SGSM1: variants seen among roughly 807,000 people sequenced by gnomAD.
The protein encoded by SGSM1 is RUN and TBC1 domain containing 2.
In SGSM1, 73 loss-of-function variants were observed where a neutral mutation model predicts 133.8. That is an observed-to-expected ratio of 0.55 (90% CI 0.45 to 0.66). The LOEUF is 0.66. Ranked by LOEUF, SGSM1 falls within the 30% of genes least tolerant of loss-of-function variation. The probability of loss-of-function intolerance (pLI) is 0.00; values close to 1 mark genes in which losing one functional copy is unlikely to be tolerated. For missense variants in SGSM1, 1,213 were observed against 1,448.1 expected, an observed-to-expected ratio of 0.84 and a Z score of 2.64; for synonymous variants, 563 against 573.0, an observed-to-expected ratio of 0.98 and a Z score of 0.25.
At position 24,809,926 on chromosome 22, in the gene SGSM1, G is replaced by C. The variant is rs367777304; in HGVS notation, c.63+3442G>C. Among the ~76,000 whole-genome samples, 5 of 152,248 alleles carry C rather than the reference G, an allele frequency of 3.3e-5. No individual in the cohort carries two copies. In the East Asian group the frequency reaches 5.8e-4, roughly 18 times the overall value. Reference sequence around the variant, plus strand: ...TCAGAAGACAGGTGCAAGATGAGTAGGACTTTAAGGTGAAGATAAGAGGGT... The same window carrying C: ...TCAGAAGACAGGTGCAAGATGAGTACGACTTTAAGGTGAAGATAAGAGGGT... On this transcript the variant is annotated intron_variant, in intron 2 of 24. Transcript: ENST00000400358.
intron 5 of SGSM1, among the ~76,000 whole-genome samples, chr22:24,850,717 C>A (rs935387153): frequency 6.6e-6 from 1 of 152,184 alleles, no homozygotes; most frequent in African/African-American, 2.4e-5. Context: ...CTCTCTGTGC[C>A]CGTTATCTCT....
intron 22 of SGSM1, among the ~76,000 whole-genome samples, chr22:24,914,473 C>G (rs201403280): frequency 0.027 from 1,612 of 59,604 alleles, 32 homozygotes; most frequent in East Asian, 0.19. Context: ...GAGACTCTGT[C>G]CCCCCCCCCA....
intron 1 of SGSM1, 42 bp from the exon 2 acceptor site, chr22:24,806,399 C>T: frequency 6.6e-7 from 1 of 1,513,568 alleles, no homozygotes; most frequent in South Asian, 1.2e-5. Flanking sequence ...GCCCCCGCAC[C>T]CTCTCTCGGC....
intron 2 of SGSM1, among the ~76,000 whole-genome samples, chr22:24,808,857 G>A (rs1398818952): frequency 2.6e-5 from 4 of 152,270 alleles, no homozygotes; most frequent in East Asian, 1.9e-4. Context: ...AGCCAAGATG[G>A]GACAGAGTTG....
chr22:24,867,196 C>T lies in SGSM1; in HGVS notation c.994+36C>T, dbSNP rs974934153. 5.0e-6 allele frequency: 8 copies of T among 1,596,362 alleles called. No homozygotes were observed. In the East Asian group the frequency reaches 1.3e-4, roughly 27 times the overall value. On this transcript the variant is annotated intron_variant, in intron 10 of 24. Coordinates refer to ENST00000400358, the MANE Select transcript of SGSM1 (RefSeq NM_001098497.3). ...TGGGGACAGGAGGGGTCTGCGTATT[C>T]CTCTTGGATCCCCTGCCTGTCTCCA... is the stretch of plus-strand genomic sequence containing the variant.
chr22:24,897,726 C>T (rs572155597), intron 18 of SGSM1, among the ~76,000 whole-genome samples: 10 of 152,356 alleles, frequency 6.6e-5, no homozygotes, highest in African/African-American at 2.4e-4. Flanking sequence ...GCCTTGGCCT[C>T]CCAAAGTTCT....
intron 2 of SGSM1, among the ~76,000 whole-genome samples, chr22:24,823,297 G>GCTGCTGTGC (rs1928591054): frequency 1.3e-5 from 2 of 151,752 alleles, no homozygotes; most frequent in African/African-American, 2.4e-5. Flanking sequence ...TGAGCATGCA[G>GCTGCTGTGC]CAAATGTTTT....
At chr22:24,841,968 T>C (rs1929832400) in intron 2 of SGSM1, among the ~76,000 whole-genome samples, 1 of 152,150 alleles carries the variant, frequency 6.6e-6, no homozygotes, top group Non-Finnish European at 1.5e-5. Flanking sequence ...TAATTAACCA[T>C]GTACATTCAT....
chr22:24,841,087 T>C (rs1277107924), intron 2 of SGSM1, among the ~76,000 whole-genome samples: 3 of 152,178 alleles, frequency 2.0e-5, no homozygotes, highest in Admixed American at 6.5e-5. Context: ...CCTGACCTTG[T>C]GATCCGCCCG....
At chr22:24,841,040 C>CG (rs1039522859) in intron 2 of SGSM1, among the ~76,000 whole-genome samples, 3 of 151,950 alleles carry the variant, frequency 2.0e-5, no homozygotes, top group Admixed American at 2.0e-4. Context: ...TTAGTAGAGA[C>CG]GGGGTTTCAC....
intron 8 of SGSM1, among the ~76,000 whole-genome samples, chr22:24,858,479 T>C (rs1930934467): frequency 6.6e-6 from 1 of 151,140 alleles, no homozygotes. Context: ...TAAAAAAAAA[T>C]ACAAAAATTA....
chr22:24,922,527 G>T (rs1360947946), intron 24 of SGSM1, among the ~76,000 whole-genome samples: 5 of 146,092 alleles, frequency 3.4e-5, no homozygotes, highest in Non-Finnish European at 4.5e-5. Flanking sequence ...CCAGGCTGGA[G>T]TGCAGTGGCG....
In SGSM1 at chr22:24,905,204, T is replaced by A. The variant is rs1265432521; in HGVS notation, c.2818+17T>A. On this transcript the variant is annotated intron_variant, in intron 21 of 24. Transcript: ENST00000400358. ...TGGATGATGGTGAGTGTGTCTTTAC[T>A]GCCCTAGGGCTGAGGGTGCATTTCC... 6.8e-6 allele frequency: 11 copies of A among 1,611,294 alleles called. No homozygotes were observed. Among genetic ancestry groups the A allele is most frequent in the Non-Finnish European group, 9.3e-6 (11 of 1,177,468 alleles).
intron 2 of SGSM1, among the ~76,000 whole-genome samples, chr22:24,837,729 G>A (rs1035407404): frequency 2.0e-5 from 3 of 152,218 alleles, no homozygotes; most frequent in South Asian, 2.1e-4. Context: ...GGCCCTGTCC[G>A]GGCATAACTG....
At chr22:24,808,365 C>T (rs945747216) in intron 2 of SGSM1, among the ~76,000 whole-genome samples, 14 of 152,106 alleles carry the variant, frequency 9.2e-5, no homozygotes, top group Non-Finnish European at 2.9e-5. Flanking sequence ...TCGCCTGCCT[C>T]GGCCTCCCAA....
chr22:24,861,880 G>T (rs1243320986), intron 9 of SGSM1, among the ~76,000 whole-genome samples: 2 of 151,336 alleles, frequency 1.3e-5, no homozygotes, highest in Non-Finnish European at 2.9e-5. Context: ...TTGTCACCCA[G>T]GCTGGTCTTG....
At chr22:24,836,449 G>C (rs1422455119) in intron 2 of SGSM1, among the ~76,000 whole-genome samples, 1 of 152,226 alleles carries the variant, frequency 6.6e-6, no homozygotes, top group Non-Finnish European at 1.5e-5. Flanking sequence ...TCTGCCTTCA[G>C]TTCTTTTGGG....
intron 13 of SGSM1, among the ~76,000 whole-genome samples, chr22:24,877,423 A>G (rs1273778033): frequency 6.6e-6 from 1 of 152,056 alleles, no homozygotes; most frequent in Non-Finnish European, 1.5e-5. Context: ...TCTCAAGCTC[A>G]TCTTCTGTTT....
At chr22:24,883,056 A>C (rs922908929) in intron 14 of SGSM1, among the ~76,000 whole-genome samples, 1 of 145,582 alleles carries the variant, frequency 6.9e-6, no homozygotes, top group Non-Finnish European at 1.5e-5. Flanking sequence ...GGCCACCATG[A>C]GCTAATTTTT....
Sources: allele counts gnomAD v4.1 joint callset (sites outside exome capture counted in the v4.1 genomes callset), GRCh38; gene constraint gnomAD v4.1.1; transcripts MANE v1.5; gene names NCBI Gene and HGNC (gene_info 2026-07-23, HGNC 2026-07-21).